DYM: variants seen among roughly 807,000 people sequenced by gnomAD.
DYM encodes the protein dymeclin, also known as dyggve-Melchior-Clausen syndrome protein.
Under a neutral mutation model 93.1 loss-of-function variants are expected in DYM, and 78 were observed. That is an observed-to-expected ratio of 0.84 (90% CI 0.70 to 1.01). The LOEUF is 1.01. Among genes scored for constraint, DYM ranks in the 50% least tolerant of loss-of-function variants. The pLI is 0.00. For synonymous variants in DYM, 321 were observed against 319.7 expected (o/e 1.00, Z -0.04); for missense variants, 789 against 845.0 (o/e 0.93, Z 0.82).
chr18:49,143,507 T>C lies in DYM; in HGVS notation c.1728+20178A>G, dbSNP rs1389522601. On this transcript the variant is annotated intron_variant, in intron 15 of 17. Transcript: ENST00000675505. ...TTCGATGCAGTATTTAATTTAATTC[T>C]CATAAAATTTGGCAAGCCGGATATT... Among the ~76,000 whole-genome samples, 5 of 152,302 alleles carry C rather than the reference T, an allele frequency of 3.3e-5. No individual in the cohort carries two copies. The East Asian group carries it at 9.6e-4, about 29-fold the overall frequency.
Position 49,039,528 on chromosome 18 carries a change from A to G in DYM, c.*4527T>C, listed in dbSNP as rs1404786272. ...TCTTTTGAGATGCCAACTACCCTGCATGTCTGAGCAGGTCAGACATGCTCA... is the reference window on the plus strand; with the variant it reads ...TCTTTTGAGATGCCAACTACCCTGCGTGTCTGAGCAGGTCAGACATGCTCA... On this transcript the variant is annotated 3_prime_UTR_variant, in exon 18 of 18. Coordinates refer to ENST00000675505, the MANE Select transcript of DYM (RefSeq NM_001353214.3). Among the ~76,000 whole-genome samples the G allele has an allele frequency of 6.6e-6, 1 of 152,110 alleles. No homozygotes were observed. The highest frequency in any genetic ancestry group is 1.9e-4 in the East Asian group (1 of 5,184).
chr18:49,186,465 T>C (rs142248876), intron 14 of DYM, among the ~76,000 whole-genome samples: 4 of 152,264 alleles, frequency 2.6e-5, no homozygotes, highest in African/African-American at 7.2e-5. Flanking sequence ...CTATTGCCTA[T>C]ATCTTCTTTT....
At chr18:49,362,033 T>G (rs199991542) in intron 6 of DYM, among the ~76,000 whole-genome samples, 13,697 of 151,242 alleles carry the variant, frequency 0.091, 820 homozygotes, top group East Asian at 0.31. Flanking sequence ...CTAATTTTTT[T>G]TTTTTTTTTT....
chr18:49,381,650 C>T (rs1034438047), intron 3 of DYM, among the ~76,000 whole-genome samples: 3 of 152,160 alleles, frequency 2.0e-5, no homozygotes, highest in Admixed American at 2.0e-4. Flanking sequence ...GTGAAATGTG[C>T]ACTGAGATTC....
intron 17 of DYM, among the ~76,000 whole-genome samples, chr18:49,067,215 A>C (rs1271711888): frequency 9.3e-6 from 1 of 107,254 alleles, no homozygotes; most frequent in African/African-American, 3.7e-5. Context: ...TGTGAGCACT[A>C]TGCAGGTTCA....
At chr18:49,347,270 T>C (rs1294793380) in intron 6 of DYM, among the ~76,000 whole-genome samples, 4 of 152,102 alleles carry the variant, frequency 2.6e-5, no homozygotes, top group African/African-American at 9.7e-5. Flanking sequence ...ACTAGGGAGA[T>C]GGGAGACAAG....
At chr18:49,308,288 G>A (rs1431999511) in intron 8 of DYM, among the ~76,000 whole-genome samples, 2 of 105,856 alleles carry the variant, frequency 1.9e-5, no homozygotes, top group African/African-American at 6.5e-5. Context: ...ACACTTGTGT[G>A]TGTATATATA....
At chr18:49,439,160 T>C (rs967230376) in intron 1 of DYM, among the ~76,000 whole-genome samples, 5 of 152,222 alleles carry the variant, frequency 3.3e-5, no homozygotes. Flanking sequence ...TTGATATCTC[T>C]AAAATATTTC....
chr18:49,202,611 T>C (rs1268413267), intron 14 of DYM, among the ~76,000 whole-genome samples: 1 of 111,540 alleles, frequency 9.0e-6, no homozygotes, highest in East Asian at 3.0e-4. Flanking sequence ...CGGCCGCCCA[T>C]TGTCTGAGAT....
chr18:49,446,818 G>T (rs1000274370), intron 1 of DYM, among the ~76,000 whole-genome samples: 6 of 152,176 alleles, frequency 3.9e-5, no homozygotes, highest in Admixed American at 1.3e-4. Context: ...CAGCACTTCG[G>T]CAGGCCAAAG....
Position 49,084,865 on chromosome 18 carries a change from C to T in DYM, c.2025+12537G>A, listed in dbSNP as rs141067940. ...AAACCACATTGTTTAGAAATATACA[C>T]GCAGATGGTAAAATTATGAAGACGA... On this transcript the variant is annotated intron_variant, in intron 17 of 17. Coordinates refer to ENST00000675505, the MANE Select transcript of DYM (RefSeq NM_001353214.3). Among the ~76,000 whole-genome samples the T allele has an allele frequency of 6.4e-4, 98 of 152,218 alleles. No homozygotes were observed. In the South Asian group the frequency reaches 0.015, roughly 24 times the overall value.
intron 13 of DYM, among the ~76,000 whole-genome samples, chr18:49,256,620 T>C (rs1340446307): frequency 6.6e-6 from 1 of 152,228 alleles, no homozygotes; most frequent in Non-Finnish European, 1.5e-5. Flanking sequence ...AGGAAACTAA[T>C]ACACGGGTGA....
chr18:49,440,430 A>C (rs1425348687), intron 1 of DYM, among the ~76,000 whole-genome samples: 1 of 99,514 alleles, frequency 1.0e-5, no homozygotes, highest in East Asian at 5.2e-4. Context: ...ATATATATTT[A>C]GGAGTAAAGT....
intron 2 of DYM, among the ~76,000 whole-genome samples, chr18:49,423,869 T>C (rs1217310532): frequency 1.3e-5 from 2 of 152,114 alleles, no homozygotes; most frequent in East Asian, 3.9e-4. Context: ...TCCCTGAATA[T>C]ACCAATAACA....
In DYM at chr18:49,424,313, T is replaced by C. The variant is rs137997697; in HGVS notation, c.140+5942A>G. Among the ~76,000 whole-genome samples the C allele has an allele frequency of 2.5e-3, 385 of 152,180 alleles. 2 individuals carry two copies. The highest frequency in any genetic ancestry group is 8.7e-3 in the African/African-American group (361 of 41,512). On this transcript the variant is annotated intron_variant, in intron 2 of 17. Transcript: ENST00000675505. ...GACAAAAACCACATAATTATCTCAA[T>C]AGATGCAGAAAAGGCCTTTGACAAA...
Position 49,317,684 on chromosome 18 carries a change from CCTTCCTTTCTTT to C in DYM, c.763+14168_763+14179del, listed in dbSNP as rs1328985779. 3.2e-5 allele frequency among the ~76,000 whole-genome samples: 4 copies of C among 126,128 alleles called. No individual in the cohort carries two copies. The East Asian group carries it at 8.1e-4, about 26-fold the overall frequency. The allele number at this position is 126,128 out of a possible 152,430, so 82.7% of individuals were successfully genotyped here. ...TCCTTCCTTCCTTCCTTCCTTCCTTCCTTCCTTTCTTTCTTTCTTTCAAGCAATTCTCGTGCC... is the reference window on the plus strand; with the variant it reads ...TCCTTCCTTCCTTCCTTCCTTCCTTCCTTTCTTTCAAGCAATTCTCGTGCC... On this transcript the variant is annotated intron_variant, in intron 8 of 17. Coordinates refer to ENST00000675505, the MANE Select transcript of DYM (RefSeq NM_001353214.3).
intron 17 of DYM, among the ~76,000 whole-genome samples, chr18:49,044,795 C>T (rs573841678): frequency 3.3e-4 from 50 of 152,326 alleles, no homozygotes; most frequent in Admixed American, 9.8e-4. Flanking sequence ...TTTGGCTTTG[C>T]GGAGAGGGAG....
intron 8 of DYM, among the ~76,000 whole-genome samples, chr18:49,292,112 T>C (rs1599178294): frequency 6.6e-6 from 1 of 152,224 alleles, no homozygotes; most frequent in Middle Eastern, 3.4e-3. Context: ...CTCATCTTTA[T>C]TGCTAGTAGA....
At chr18:49,442,615 G>C (rs2081741577) in intron 1 of DYM, among the ~76,000 whole-genome samples, 1 of 151,888 alleles carries the variant, frequency 6.6e-6, no homozygotes, top group Non-Finnish European at 1.5e-5. Context: ...ATGATTCTAA[G>C]AAAAAATTAA....
Sources: allele counts gnomAD v4.1 joint callset (sites outside exome capture counted in the v4.1 genomes callset), GRCh38; gene constraint gnomAD v4.1.1; transcripts MANE v1.5; gene names NCBI Gene and HGNC (gene_info 2026-07-23, HGNC 2026-07-21).